Variants in MYH15 observed in about 807,000 individuals in gnomAD.
MYH15 encodes the protein myosin heavy chain 15, also known as myosin-15.
MYH15 carries 227 observed loss-of-function variants against 240.5 expected under a neutral mutation model. That is an observed-to-expected ratio of 0.94 (90% confidence interval 0.85 to 1.05). MYH15 has a LOEUF of 1.05. Ranked by LOEUF, MYH15 falls within the 50% of genes least tolerant of loss-of-function variation. The pLI is 0.00. For missense variants in MYH15, 2,217 were observed against 2,247.5 expected (o/e 0.99, Z 0.27); for synonymous variants, 785 against 796.7 (o/e 0.99, Z 0.25).
At chr3:108,430,787 A>G (rs777394275) in intron 26 of MYH15, 45 bp downstream of exon 26, 6 of 1,436,254 alleles carry the variant, frequency 4.2e-6, no homozygotes, top group Non-Finnish European at 5.9e-6. Flanking sequence ...GTCATCACCC[A>G]TGGATCTAAA....
intron 39 of MYH15, 144 bp downstream of exon 39, chr3:108,384,543 T>G: frequency 4.3e-6 from 3 of 702,274 alleles, no homozygotes; most frequent in Non-Finnish European, 4.6e-6. Context: ...AATTCTAACT[T>G]GAGAAAAAAA....
rs2082883027 is a variant in MYH15 at position 108,441,242 on chromosome 3, T to G, written c.2674A>C (p.Asn892His). 1.2e-6 allele frequency: 2 copies of G among 1,614,082 alleles called. No homozygotes were observed. Among genetic ancestry groups the G allele is most frequent in the Non-Finnish European group, 1.7e-6 (2 of 1,179,952 alleles). The change falls in exon 23 of 41, where the codon AAT becomes CAT. Residue 892 changes from asparagine to histidine, a missense_variant. Coordinates refer to ENST00000693548, the MANE Select transcript of MYH15 (RefSeq NM_014981.3). ...AGCCACTCGCACTGCTCTTCAACATTTGCCAGTGTCTCTTGCTCCTGCCAT... is the reference window on the plus strand; with the variant it reads ...AGCCACTCGCACTGCTCTTCAACATGTGCCAGTGTCTCTTGCTCCTGCCAT... Reference protein sequence around the residue: ...QLQAEQETLANVEEQCEWLIK... With the variant: ...QLQAEQETLAHVEEQCEWLIK...
At chr3:108,527,788 A>G (rs1220234485) in intron 1 of MYH15, among the ~76,000 whole-genome samples, 1 of 152,178 alleles carries the variant, frequency 6.6e-6, no homozygotes, top group Non-Finnish European at 1.5e-5. Flanking sequence ...GGTGATGCTG[A>G]GCAATTCTTT....
chr3:108,475,102 T>C (rs2083209314), intron 12 of MYH15, among the ~76,000 whole-genome samples: 1 of 152,220 alleles, frequency 6.6e-6, no homozygotes, highest in Non-Finnish European at 1.5e-5. Flanking sequence ...TACCTTAATA[T>C]ACCAAGGGAA....
Position 108,410,611 on chromosome 3 carries a change from T to A in MYH15, c.4467A>T (p.Thr1489=), listed in dbSNP as rs2082582666. Reference sequence around the variant, plus strand: ...GGAGGTTCTTGTTCTCCCTCCTGAGTGTCTCCTGGCCCACGATGCTCTCCT... The same window carrying A: ...GGAGGTTCTTGTTCTCCCTCCTGAGAGTCTCCTGGCCCACGATGCTCTCCT... ...TYEESIVGQE[T]LRRENKNLQE... Residue 1489 remains threonine (T), a synonymous_variant, in exon 31 of 41, where the codon ACA becomes ACT. Coordinates refer to ENST00000693548, the MANE Select transcript of MYH15 (RefSeq NM_014981.3). 1 of 1,598,924 alleles carries A rather than the reference T, an allele frequency of 6.3e-7. No individual in the cohort carries two copies. The highest frequency in any genetic ancestry group is 1.7e-5 in the Admixed American group (1 of 59,572).
At chr3:108,403,249 G>T (rs2082521009) in intron 33 of MYH15, among the ~76,000 whole-genome samples, 1 of 152,184 alleles carries the variant, frequency 6.6e-6, no homozygotes, top group African/African-American at 2.4e-5. Context: ...AGAATTAGTT[G>T]AATGAGTTAC....
intron 2 of MYH15, among the ~76,000 whole-genome samples, chr3:108,502,262 A>G (rs1465433887): frequency 6.6e-6 from 1 of 152,176 alleles, no homozygotes; most frequent in Non-Finnish European, 1.5e-5. Context: ...GGCAGACCTT[A>G]TCCTTCCAGA....
chr3:108,496,796 C>T (rs146352856), intron 6 of MYH15, among the ~76,000 whole-genome samples: 12 of 135,438 alleles, frequency 8.9e-5, no homozygotes, highest in Admixed American at 7.3e-4. Context: ...CCATTTAATG[C>T]GCACCAAAAA....
At chr3:108,420,441 T>C (rs1323065954) in intron 28 of MYH15, among the ~76,000 whole-genome samples, 1 of 151,950 alleles carries the variant, frequency 6.6e-6, no homozygotes, top group East Asian at 1.9e-4. Flanking sequence ...ATCCTGACTT[T>C]GCCCAGATCT....
intron 7 of MYH15, among the ~76,000 whole-genome samples, chr3:108,494,856 T>A (rs2083379117): frequency 6.6e-6 from 1 of 152,200 alleles, no homozygotes; most frequent in Non-Finnish European, 1.5e-5. Flanking sequence ...GTCTTTCTTC[T>A]TTCCTTTTTT....
intron 32 of MYH15, among the ~76,000 whole-genome samples, chr3:108,407,068 C>T (rs1250225111): frequency 6.6e-6 from 1 of 152,170 alleles, no homozygotes; most frequent in East Asian, 1.9e-4. Flanking sequence ...TGCTACAGGG[C>T]ACCACACTGC....
At chr3:108,539,220 T>A in the MYH15 span, among the ~76,000 whole-genome samples, 3 of 152,188 alleles carry the variant, frequency 2.0e-5, no homozygotes, top group African/African-American at 7.2e-5. Context: ...ACAGCTCTCA[T>A]ATTATTGAGT....
chr3:108,445,387 T>C (rs2082918625), intron 21 of MYH15, among the ~76,000 whole-genome samples: 1 of 152,002 alleles, frequency 6.6e-6, no homozygotes, highest in Admixed American at 6.6e-5. Flanking sequence ...TTAAAGCACA[T>C]CTGATTTGGT....
In MYH15 at chr3:108,455,722, A is replaced by C; in HGVS notation, c.2262+14T>G. Reference sequence around the variant, plus strand: ...ATTCGTCTCCAAATGCATTCTTTGCAGTTTTCTGGTTACCTTAGTGATTCC... The same window carrying C: ...ATTCGTCTCCAAATGCATTCTTTGCCGTTTTCTGGTTACCTTAGTGATTCC... On this transcript the variant is annotated intron_variant, in intron 20 of 40. Transcript: ENST00000693548. The C allele has an allele frequency of 6.2e-7, 1 of 1,613,088 alleles. No homozygotes were observed. The highest frequency in any genetic ancestry group is 8.5e-7 in the Non-Finnish European group (1 of 1,179,250).
Position 108,428,591 on chromosome 3 carries a change from A to AT in MYH15, c.3602dup (p.Asn1201LysfsTer15), listed in dbSNP as rs2082745908. 2 of 1,612,158 alleles carry AT rather than the reference A, an allele frequency of 1.2e-6. No individual in the cohort carries two copies. The highest frequency in any genetic ancestry group is 8.5e-7 in the Non-Finnish European group (1 of 1,179,848). On this transcript the variant is annotated frameshift_variant, in exon 27 of 41. Transcript: ENST00000693548. LOFTEE classifies it high-confidence loss of function. ...CCAGTTTCTGCTTGACCTGCTGTAGATTTTCTACCTGGCCCTCGAGCTCAG... is the reference window on the plus strand; with the variant it reads ...CCAGTTTCTGCTTGACCTGCTGTAGATTTTTCTACCTGGCCCTCGAGCTCAG...
At chr3:108,387,108 T>G in intron 38 of MYH15, among the ~76,000 whole-genome samples, 1 of 152,202 alleles carries the variant, frequency 6.6e-6, no homozygotes, top group South Asian at 2.1e-4. Flanking sequence ...CACACTTGAC[T>G]CCTTTCCAGT....
At chr3:108,429,379 T>TA (rs781143016) in intron 26 of MYH15, among the ~76,000 whole-genome samples, 14 of 152,202 alleles carry the variant, frequency 9.2e-5, no homozygotes, top group Non-Finnish European at 1.8e-4. Context: ...CACACAATTC[T>TA]AAAAAACTTG....
rs778758071 is a variant in MYH15 at position 108,409,549 on chromosome 3, G to C, written c.4495+1034C>G. Among the ~76,000 whole-genome samples the C allele has an allele frequency of 2.0e-5, 3 of 152,122 alleles. No homozygotes were observed. In the South Asian group the frequency reaches 6.2e-4, roughly 32 times the overall value. ...TTTTCTAACCACTGTTTTAGCACCC[G>C]TCACGTCTCCATCTAGTGCCTTGAT... is the stretch of plus-strand genomic sequence containing the variant. On this transcript the variant is annotated intron_variant, in intron 31 of 40. Transcript: ENST00000693548.
intron 12 of MYH15, among the ~76,000 whole-genome samples, chr3:108,474,019 C>T (rs1016862080): frequency 2.0e-5 from 3 of 152,216 alleles, no homozygotes; most frequent in Non-Finnish European, 4.4e-5. Flanking sequence ...AGTTGTTCAA[C>T]CACTTCACTG....
Sources: allele counts gnomAD v4.1 joint callset (sites outside exome capture counted in the v4.1 genomes callset), GRCh38; gene constraint gnomAD v4.1.1; transcripts MANE v1.5; gene names NCBI Gene and HGNC (gene_info 2026-07-23, HGNC 2026-07-21).